The following UGGT2 variants were observed in gnomAD, a reference collection of about 807,000 sequenced individuals.
The protein encoded by UGGT2 is UDP-glucose:glycoprotein glucosyltransferase 2.
A neutral mutation model predicts 192.1 loss-of-function variants in UGGT2; 180 were observed. That is an observed-to-expected ratio of 0.94 (90% CI 0.83 to 1.06). UGGT2 has a LOEUF of 1.06. Ranked by LOEUF, UGGT2 falls within the 50% of genes least tolerant of loss-of-function variation. The pLI is 0.00. For synonymous variants in UGGT2, 580 were observed against 591.0 expected, an observed-to-expected ratio of 0.98 and a Z score of 0.27; for missense variants, 1,849 against 1,795.7, an observed-to-expected ratio of 1.03 and a Z score of -0.54.
At chr13:95,902,539 C>A in intron 21 of UGGT2, among the ~76,000 whole-genome samples, 1 of 151,128 alleles carries the variant, frequency 6.6e-6, no homozygotes, top group Middle Eastern at 3.2e-3. Flanking sequence ...CCATAATGGA[C>A]CCCTTCAGTG....
At chr13:95,832,255 G>T (rs1886784710) in intron 38 of UGGT2, among the ~76,000 whole-genome samples, 1 of 152,008 alleles carries the variant, frequency 6.6e-6, no homozygotes, top group Non-Finnish European at 1.5e-5. Context: ...AGTTCAGGGG[G>T]TTTTTTAAGA....
chr13:95,887,812 A>G, intron 26 of UGGT2, 80 bp downstream of exon 26: 1 of 838,210 alleles, frequency 1.2e-6, no homozygotes, highest in Non-Finnish European at 1.9e-6. Context: ...AGAAAAAACC[A>G]GGTCCAGTAA....
At chr13:95,826,335 G>A (rs904234659) in intron 38 of UGGT2, among the ~76,000 whole-genome samples, 4 of 152,062 alleles carry the variant, frequency 2.6e-5, no homozygotes, top group Middle Eastern at 3.4e-3. Context: ...ATTTAACACC[G>A]TATTAGATGT....
intron 14 of UGGT2, among the ~76,000 whole-genome samples, chr13:95,947,474 A>AGTTTGAGAC (rs1313214428): frequency 7.4e-5 from 4 of 54,182 alleles, no homozygotes. Flanking sequence ...TTTTTGAGAC[A>AGTTTGAGAC]AGAGTCTCGC....
At chr13:96,031,809 T>C (rs1019207879) in intron 2 of UGGT2, 80 bp downstream of exon 2, 2 of 1,080,914 alleles carry the variant, frequency 1.9e-6, no homozygotes, top group African/African-American at 3.2e-5. Context: ...CACTTAACCA[T>C]TACCATTAAA....
intron 29 of UGGT2, among the ~76,000 whole-genome samples, chr13:95,869,099 T>C (rs577559672): frequency 6.8e-6 from 1 of 146,718 alleles, no homozygotes; most frequent in South Asian, 2.3e-4. Context: ...TGTGTTCTCA[T>C]TGTTCAATTT....
intron 16 of UGGT2, 52 bp downstream of exon 16, chr13:95,939,905 G>A (rs1566731136): frequency 7.1e-7 from 1 of 1,404,824 alleles, no homozygotes. Flanking sequence ...ATCATGTGGT[G>A]TTTGTCTTTC....
Position 96,013,301 on chromosome 13 carries a change from G to T in UGGT2, c.660+6C>A, listed in dbSNP as rs776830257. The stretch of plus-strand genomic sequence containing the variant: ...AAAAGCAACCTTGGAAAAAACAAGC[G>T]CATACCTGAATATAATGGCGAAGAA... On this transcript the variant is annotated splice_donor_region_variant and intron_variant, in intron 5 of 38. Coordinates refer to ENST00000376747, the MANE Select transcript of UGGT2 (RefSeq NM_020121.4). 4 of 1,565,456 alleles carry T rather than the reference G, an allele frequency of 2.6e-6. No homozygotes were observed. The African/African-American group carries it at 4.2e-5, about 16-fold the overall frequency.
intron 1 of UGGT2, among the ~76,000 whole-genome samples, chr13:96,034,153 T>C (rs556177859): frequency 1.3e-5 from 2 of 152,222 alleles, no homozygotes; most frequent in South Asian, 4.2e-4. Context: ...TGCCTGTGGA[T>C]AGGAGCTACC....
rs956955757 is a variant in UGGT2 at position 95,860,797 on chromosome 13, C to T, written c.3731G>A (p.Arg1244His). 7.3e-6 allele frequency: 11 copies of T among 1,514,206 alleles called. No homozygotes were observed. Among genetic ancestry groups the T allele is most frequent in the East Asian group, 2.4e-5 (1 of 41,536 alleles). 93.8% of individuals were successfully genotyped at this position (1,514,206 alleles called of 1,614,324 possible). The change falls in exon 32 of 39, where the codon CGT (arginine) becomes CAT (histidine). Residue 1244 changes from arginine (R) to histidine (H), a missense_variant. Transcript: ENST00000376747. Reference protein sequence around the residue: ...FSVASGHLYERFLRIMMLSVL... With the variant: ...FSVASGHLYEHFLRIMMLSVL... ...TAAAAAATATACCTACCTTAAAAAA[C>T]GTTCATATAAATGACCAGAAGCAAC...
chr13:95,960,786 A>G (rs1467588451), intron 12 of UGGT2, among the ~76,000 whole-genome samples: 1 of 152,208 alleles, frequency 6.6e-6, no homozygotes, highest in Non-Finnish European at 1.5e-5. Context: ...GATTTCTATA[A>G]ACAGCAAGTG....
At chr13:95,980,304 CA>C (rs1222369275) in intron 10 of UGGT2, among the ~76,000 whole-genome samples, 3 of 152,192 alleles carry the variant, frequency 2.0e-5, no homozygotes, top group Non-Finnish European at 2.9e-5. Flanking sequence ...GGCATTTGTG[CA>C]ACCTGGATGG....
intron 15 of UGGT2, among the ~76,000 whole-genome samples, chr13:95,945,503 G>A (rs57982590): frequency 0.016 from 2,500 of 152,092 alleles, 70 homozygotes; most frequent in African/African-American, 0.058. Context: ...TATATTAACA[G>A]TATTGTGCTG....
intron 33 of UGGT2, 137 bp from the exon 34 acceptor site, chr13:95,856,477 C>G: frequency 5.7e-6 from 4 of 706,020 alleles, no homozygotes; most frequent in Middle Eastern, 3.3e-4. Context: ...AATACTACTT[C>G]TATAACATAC....
At position 95,970,019 on chromosome 13, in the gene UGGT2, TGACATTTATC is replaced by T. The variant is rs1186598814; in HGVS notation, c.1335+83_1335+92del. ...TTCACTGAGAACTGTTCCAAAATGC[TGACATTTATC>T]ATCAGGCCTGCCGATACTTCATTTT... is the stretch of plus-strand genomic sequence containing the variant. On this transcript the variant is annotated intron_variant, in intron 12 of 38. Coordinates refer to ENST00000376747, the MANE Select transcript of UGGT2 (RefSeq NM_020121.4). 3 of 1,318,540 alleles carry T rather than the reference TGACATTTATC, an allele frequency of 2.3e-6. No individual in the cohort carries two copies. In the African/African-American group the frequency reaches 4.5e-5, roughly 20 times the overall value. 81.7% of individuals were successfully genotyped at this position (1,318,540 alleles called of 1,614,324 possible).
intron 15 of UGGT2, among the ~76,000 whole-genome samples, chr13:95,944,809 C>T (rs1011506842): frequency 2.6e-5 from 4 of 151,732 alleles, no homozygotes; most frequent in Non-Finnish European, 4.4e-5. Context: ...ATTATATTTG[C>T]CTTTAAAATT....
chr13:95,953,243 C>T (rs1489228266), intron 12 of UGGT2, among the ~76,000 whole-genome samples: 2 of 152,204 alleles, frequency 1.3e-5, no homozygotes. Flanking sequence ...AACCTTGAAA[C>T]TGTCTTTGTT....
intron 36 of UGGT2, among the ~76,000 whole-genome samples, chr13:95,847,229 C>G (rs938442818): frequency 6.6e-6 from 1 of 152,042 alleles, no homozygotes; most frequent in African/African-American, 2.4e-5. Context: ...CCTACACATG[C>G]ATTACCTACT....
intron 23 of UGGT2, among the ~76,000 whole-genome samples, chr13:95,894,878 A>T (rs1016251315): frequency 6.6e-6 from 1 of 152,166 alleles, no homozygotes; most frequent in Non-Finnish European, 1.5e-5. Context: ...AAGCAAAAAG[A>T]CAAATATGGG....
Sources: allele counts gnomAD v4.1 joint callset (sites outside exome capture counted in the v4.1 genomes callset), GRCh38; gene constraint gnomAD v4.1.1; transcripts MANE v1.5; gene names NCBI Gene and HGNC (gene_info 2026-07-23, HGNC 2026-07-21).